ENKUR: variants seen among roughly 807,000 people sequenced by gnomAD.
The protein encoded by ENKUR is enkurin.
A neutral mutation model predicts 27.6 loss-of-function variants in ENKUR; 19 were observed. The observed-to-expected ratio is 0.69, with a 90% CI of 0.48 to 1.01. The LOEUF (loss-of-function observed/expected upper bound fraction) is 1.01. Among genes scored for constraint, ENKUR ranks in the 50% least tolerant of loss-of-function variants. ENKUR has a pLI of 0.00. For synonymous variants in ENKUR, 117 were observed against 96.9 expected (o/e 1.21, Z -1.22); for missense variants, 312 against 310.5 (o/e 1.00, Z -0.04).
chr10:25,039,929 T>TA (rs1415441845), intron 2 of ENKUR, among the ~76,000 whole-genome samples: 6 of 126,368 alleles, frequency 4.7e-5, no homozygotes, highest in African/African-American at 1.9e-4. Context: ...CCCTAGAACT[T>TA]AAAGTATTAA....
chr10:25,017,083 C>T (rs569564311), upstream of ENKUR, among the ~76,000 whole-genome samples: 208 of 152,322 alleles, frequency 1.4e-3, no homozygotes, highest in Non-Finnish European at 2.2e-3. Flanking sequence ...TGCGCCTGCT[C>T]TTCCCCGGGT....
intron 1 of ENKUR, among the ~76,000 whole-genome samples, chr10:25,009,147 C>T (rs1201914918): frequency 6.6e-6 from 1 of 152,050 alleles, no homozygotes; most frequent in African/African-American, 2.4e-5. Flanking sequence ...AGGAGATATA[C>T]CTAACGTAAA....
chr10:25,003,168 TAATTA>T (rs1394701362), intron 1 of ENKUR, among the ~76,000 whole-genome samples: 1 of 150,668 alleles, frequency 6.6e-6, no homozygotes, highest in African/African-American at 2.5e-5. Context: ...TTTAATTAAT[TAATTA>T]ATTAATTAAT....
At chr10:25,032,794 T>A (rs1240084678) in intron 2 of ENKUR, among the ~76,000 whole-genome samples, 2 of 152,192 alleles carry the variant, frequency 1.3e-5, no homozygotes, top group Non-Finnish European at 2.9e-5. Flanking sequence ...AGCTTATGAC[T>A]TTCCTTTTTC....
chr10:25,035,947 A>T (rs1218246215), intron 2 of ENKUR, among the ~76,000 whole-genome samples: 1 of 152,198 alleles, frequency 6.6e-6, no homozygotes, highest in Non-Finnish European at 1.5e-5. Flanking sequence ...TCTTTTTCAT[A>T]TTTGTTACAA....
chr10:24,993,713 G>T (rs569996262), intron 3 of ENKUR, among the ~76,000 whole-genome samples: 5 of 152,294 alleles, frequency 3.3e-5, no homozygotes, highest in African/African-American at 1.2e-4. Context: ...AACACCAAAA[G>T]GGCATTAGGT....
At chr10:25,055,192 C>T (rs973320290) in intron 2 of ENKUR, among the ~76,000 whole-genome samples, 1 of 152,144 alleles carries the variant, frequency 6.6e-6, no homozygotes, top group African/African-American at 2.4e-5. Flanking sequence ...TTCCTTCTCA[C>T]TCCTCTCTCC....
chr10:25,013,501 C>T (rs1295535467), intron 1 of ENKUR, among the ~76,000 whole-genome samples: 1 of 152,194 alleles, frequency 6.6e-6, no homozygotes, highest in Non-Finnish European at 1.5e-5. Flanking sequence ...CTTATGGAAG[C>T]TTAGGCTGAA....
chr10:25,056,818 A>C (rs531203898), intron 2 of ENKUR, among the ~76,000 whole-genome samples: 1 of 152,356 alleles, frequency 6.6e-6, no homozygotes, highest in Non-Finnish European at 1.5e-5. Flanking sequence ...TATTAATGGC[A>C]AAGTGCTGAA....
At chr10:25,003,201 T>C (rs1423695214) in intron 1 of ENKUR, among the ~76,000 whole-genome samples, 1 of 151,308 alleles carries the variant, frequency 6.6e-6, no homozygotes, top group African/African-American at 2.4e-5. Flanking sequence ...TTTATTCATT[T>C]ATTTTTTGCC....
intron 2 of ENKUR, among the ~76,000 whole-genome samples, chr10:25,032,983 T>C (rs1279969371): frequency 2.0e-5 from 3 of 152,200 alleles, no homozygotes; most frequent in Non-Finnish European, 4.4e-5. Context: ...ACTTTTATTA[T>C]TTGCAATTAA....
Position 25,014,513 on chromosome 10 carries a change from T to C in ENKUR, c.77+1347A>G, listed in dbSNP as rs889622578. Among the ~76,000 whole-genome samples the C allele has an allele frequency of 2.0e-5, 3 of 151,516 alleles. No individual in the cohort carries two copies. The East Asian group carries it at 5.8e-4, about 29-fold the overall frequency. On this transcript the variant is annotated intron_variant, in intron 1 of 5. Transcript: ENST00000331161. ...AATGAATAAAGACTGTTCCTATAAATTTTTTTTGAAAAAAAAAATCGTCTA... is the reference window on the plus strand; with the variant it reads ...AATGAATAAAGACTGTTCCTATAAACTTTTTTTGAAAAAAAAAATCGTCTA...
upstream of ENKUR, among the ~76,000 whole-genome samples, chr10:25,019,677 T>A (rs1850679013): frequency 6.6e-6 from 1 of 152,170 alleles, no homozygotes; most frequent in African/African-American, 2.4e-5. Flanking sequence ...ATCTGCAGAT[T>A]TTTCTCACTC....
chr10:25,050,924 G>A (rs560138249), intron 2 of ENKUR, among the ~76,000 whole-genome samples: 1 of 152,208 alleles, frequency 6.6e-6, no homozygotes, highest in East Asian at 1.9e-4. Flanking sequence ...AAATTAACAT[G>A]GGTCACCTTT....
upstream of ENKUR, among the ~76,000 whole-genome samples, chr10:25,019,578 A>G (rs997998077): frequency 6.6e-6 from 1 of 152,248 alleles, no homozygotes; most frequent in African/African-American, 2.4e-5. Flanking sequence ...TGTATTATGT[A>G]TTATAAGTTA....
chr10:25,014,925 T>G (rs1191085758), intron 1 of ENKUR, among the ~76,000 whole-genome samples: 2 of 152,204 alleles, frequency 1.3e-5, no homozygotes, highest in African/African-American at 2.4e-5. Flanking sequence ...TATTATCTGG[T>G]ACATTTATCT....
chr10:25,017,456 C>G (rs755839468), upstream of ENKUR, among the ~76,000 whole-genome samples: 1 of 152,134 alleles, frequency 6.6e-6, no homozygotes, highest in Non-Finnish European at 1.5e-5. Flanking sequence ...AGAAAACACA[C>G]TTGAGTCTGG....
intron 3 of ENKUR, among the ~76,000 whole-genome samples, chr10:24,991,118 TTG>T (rs1022042015): frequency 3.2e-4 from 49 of 151,238 alleles, no homozygotes; most frequent in African/African-American, 1.1e-3. Context: ...ATAAATGGAG[TTG>T]TTATTGCAGT....
chr10:24,991,872 G>A (rs192255509), intron 3 of ENKUR, among the ~76,000 whole-genome samples: 35 of 152,286 alleles, frequency 2.3e-4, no homozygotes, highest in Admixed American at 7.8e-4. Context: ...CGCCCACTGC[G>A]GCTTCAGGAG....
Sources: gnomAD v4.1 joint callset for allele counts (sites outside exome capture counted in the v4.1 genomes callset) on GRCh38, gnomAD v4.1.1 for gene constraint, MANE v1.5 for transcripts, NCBI Gene and HGNC (gene_info 2026-07-23, HGNC 2026-07-21) for gene names.